NDUFA8: variants seen among roughly 807,000 people sequenced by gnomAD.
NDUFA8 encodes the protein NADH:ubiquinone oxidoreductase subunit A8.
In NDUFA8, 16 loss-of-function variants were observed where a neutral mutation model predicts 20.9. The ratio of observed to expected loss-of-function variants is 0.77; its 90% CI spans 0.52 to 1.16. The LOEUF (loss-of-function observed/expected upper bound fraction) is 1.16. Ranked by LOEUF, NDUFA8 falls within the 50% of genes most tolerant of loss-of-function variation. The pLI, the probability that NDUFA8 is intolerant of heterozygous loss-of-function variation, is 0.00. For synonymous variants in NDUFA8, 70 were observed against 76.1 expected (o/e 0.92, Z 0.41); for missense variants, 202 against 216.4 (o/e 0.93, Z 0.42).
At chr9:122,136,846 C>T in the NDUFA8 span, among the ~76,000 whole-genome samples, 3 of 152,190 alleles carry the variant, frequency 2.0e-5, no homozygotes, top group Non-Finnish European at 2.9e-5. Context: ...TGAGCCACCG[C>T]GCCCGGCTGC....
intron 3 of NDUFA8, among the ~76,000 whole-genome samples, chr9:122,147,749 C>A (rs1828927083): frequency 6.6e-6 from 1 of 151,592 alleles, no homozygotes; most frequent in African/African-American, 2.4e-5. Context: ...GCCTCAGCCT[C>A]CCAAGTAGCT....
In NDUFA8 at chr9:122,148,105, T is replaced by C. The variant is rs1267719818; in HGVS notation, c.381+7A>G. On this transcript the variant is annotated splice_region_variant and intron_variant, in intron 3 of 3. Transcript: ENST00000373768. The stretch of plus-strand genomic sequence containing the variant: ...GAAAGTGAGACCTCCAGCAGAAGCC[T>C]TTTTACCTTTGACAGTTCTCCCAGG... The C allele has an allele frequency of 1.2e-6, 2 of 1,613,994 alleles. No individual in the cohort carries two copies. The highest frequency in any genetic ancestry group is 2.2e-5 in the South Asian group (2 of 91,078).
chr9:122,148,943 T>C (rs1203728490), intron 2 of NDUFA8, among the ~76,000 whole-genome samples: 1 of 152,174 alleles, frequency 6.6e-6, no homozygotes, highest in East Asian at 1.9e-4. Flanking sequence ...CTAGAGAAAA[T>C]TTAACTTCTG....
intron 2 of NDUFA8, among the ~76,000 whole-genome samples, chr9:122,151,905 A>T (rs1829005487): frequency 6.6e-6 from 1 of 152,202 alleles, no homozygotes; most frequent in Non-Finnish European, 1.5e-5. Flanking sequence ...ATGCCTGCTT[A>T]AAAAGGACTG....
At chr9:122,157,236 C>T (rs1005015999) in intron 1 of NDUFA8, among the ~76,000 whole-genome samples, 7 of 152,210 alleles carry the variant, frequency 4.6e-5, no homozygotes, top group African/African-American at 7.2e-5. Flanking sequence ...TTCATCTCCG[C>T]CCATAAATGC....
downstream of NDUFA8, among the ~76,000 whole-genome samples, chr9:122,142,031 G>C (rs535090761): frequency 1.2e-4 from 19 of 152,292 alleles, no homozygotes; most frequent in South Asian, 3.9e-3. Context: ...AACATTTGGG[G>C]AGTGAACAGT....
chr9:122,138,860 A>AGAG, the NDUFA8 span, among the ~76,000 whole-genome samples: 1 of 23,622 alleles, frequency 4.2e-5, no homozygotes, highest in Non-Finnish European at 9.3e-5. Flanking sequence ...ATCACCAAGA[A>AGAG]GAGGTGGGGG....
At chr9:122,146,413 G>GTT in intron 3 of NDUFA8, among the ~76,000 whole-genome samples, 1 of 152,082 alleles carries the variant, frequency 6.6e-6, no homozygotes, top group South Asian at 2.1e-4. Context: ...AATGAGAAAA[G>GTT]GTAGTTTTAT....
At chr9:122,137,304 G>A in the NDUFA8 span, among the ~76,000 whole-genome samples, 1 of 135,750 alleles carries the variant, frequency 7.4e-6, no homozygotes. Flanking sequence ...GAGCAGTGGA[G>A]TGATCTTCAC....
At chr9:122,132,524 C>T in the NDUFA8 span, among the ~76,000 whole-genome samples, 12 of 152,132 alleles carry the variant, frequency 7.9e-5, no homozygotes, top group East Asian at 1.9e-4. Context: ...GAGGTGGGGG[C>T]GCCTCCTAAA....
the NDUFA8 span, among the ~76,000 whole-genome samples, chr9:122,133,390 G>A: frequency 1.3e-5 from 2 of 152,268 alleles, no homozygotes; most frequent in East Asian, 3.9e-4. Flanking sequence ...AGAGCCCTTC[G>A]AGAGGACTCA....
intron 1 of NDUFA8, among the ~76,000 whole-genome samples, chr9:122,158,605 T>C (rs180918399): frequency 1.3e-5 from 2 of 152,174 alleles, no homozygotes; most frequent in East Asian, 3.9e-4. Flanking sequence ...GGGCAAATCA[T>C]TTCTACTCTC....
intron 3 of NDUFA8, among the ~76,000 whole-genome samples, chr9:122,147,617 A>ATTTTTTTTTTT (rs34576446): frequency 1.9e-5 from 2 of 106,762 alleles, no homozygotes; most frequent in African/African-American, 3.8e-5. Context: ...GCCTAAAGAA[A>ATTTTTTTTTTT]TTTTTTTTTT....
intron 1 of NDUFA8, among the ~76,000 whole-genome samples, 153 bp from the exon 2 acceptor site, chr9:122,152,561 T>TTC (rs886264999): frequency 7.3e-5 from 11 of 151,108 alleles, no homozygotes; most frequent in African/African-American, 2.2e-4. Context: ...AATAATTTTT[T>TTC]TTTTTTTTTT....
At chr9:122,147,188 G>C (rs1828916707) in intron 3 of NDUFA8, among the ~76,000 whole-genome samples, 1 of 151,832 alleles carries the variant, frequency 6.6e-6, no homozygotes, top group South Asian at 2.1e-4. Context: ...ATGTACCCCA[G>C]GTTAAGAACT....
chr9:122,158,972 T>C (rs538733127), intron 1 of NDUFA8, among the ~76,000 whole-genome samples: 1 of 152,240 alleles, frequency 6.6e-6, no homozygotes, highest in Admixed American at 6.5e-5. Context: ...ACTAACTACA[T>C]TGTACTGTGA....
intron 3 of NDUFA8, among the ~76,000 whole-genome samples, chr9:122,147,216 T>C (rs975646542): frequency 6.6e-6 from 1 of 151,576 alleles, no homozygotes; most frequent in African/African-American, 2.4e-5. Flanking sequence ...AAGAATAAGA[T>C]AACAGCAGCA....
rs1828864389 is a variant in NDUFA8 at position 122,144,221 on chromosome 9, T to G, written c.*20A>C. On this transcript the variant is annotated 3_prime_UTR_variant, in exon 4 of 4. Transcript: ENST00000373768. ...GTCGTTGTCTGAGCACATGACCGAGTGTGGGCCACGGACCCATCTTTACTT... is the reference window on the plus strand; with the variant it reads ...GTCGTTGTCTGAGCACATGACCGAGGGTGGGCCACGGACCCATCTTTACTT... 6.2e-7 allele frequency: 1 copy of G among 1,613,070 alleles called. No homozygotes were observed. Among genetic ancestry groups the G allele is most frequent in the African/African-American group, 1.3e-5 (1 of 74,890 alleles).
intron 1 of NDUFA8, among the ~76,000 whole-genome samples, chr9:122,156,022 A>G (rs1480754171): frequency 6.6e-6 from 1 of 152,220 alleles, no homozygotes; most frequent in Admixed American, 6.5e-5. Flanking sequence ...CCAGAACTAG[A>G]ACACAGAGAT....
Sources: allele counts gnomAD v4.1 joint callset (sites outside exome capture counted in the v4.1 genomes callset), GRCh38; gene constraint gnomAD v4.1.1; transcripts MANE v1.5; gene names NCBI Gene and HGNC (gene_info 2026-07-23, HGNC 2026-07-21).